ULK4: variants seen among roughly 807,000 people sequenced by gnomAD.
The protein encoded by ULK4 is unc-51 like kinase 4.
A neutral mutation model predicts 160.6 loss-of-function variants in ULK4; 133 were observed. That is an observed-to-expected ratio of 0.83 (90% CI 0.72 to 0.96). The LOEUF is 0.96. Among genes scored for constraint, ULK4 ranks in the 40% least tolerant of loss-of-function variants. The pLI, the probability that ULK4 is intolerant of heterozygous loss-of-function variation, is 0.00. For synonymous variants in ULK4, 534 were observed against 539.8 expected (o/e 0.99, Z 0.15); for missense variants, 1,580 against 1,499.5 (o/e 1.05, Z -0.89).
chr3:41,348,405 G>A (rs2080846822), intron 35 of ULK4, among the ~76,000 whole-genome samples: 1 of 152,070 alleles, frequency 6.6e-6, no homozygotes, highest in African/African-American at 2.4e-5. Flanking sequence ...TGCCCACCAA[G>A]TGCAGGGTTT....
In ULK4 at chr3:41,850,731, G is replaced by A. The variant is rs138497751; in HGVS notation, c.1657-14760C>T. On this transcript the variant is annotated intron_variant, in intron 17 of 36. Transcript: ENST00000301831. The stretch of plus-strand genomic sequence containing the variant: ...TAGTCCTTTGTCAGATGAGTAGGTT[G>A]CAAAAATTTTCTCCCATTCTGTAGG... Among the ~76,000 whole-genome samples, 995 of 152,250 alleles carry A rather than the reference G, an allele frequency of 6.5e-3. 10 individuals are homozygous for A. Among genetic ancestry groups the A allele is most frequent in the African/African-American group, 0.023 (955 of 41,556 alleles).
At chr3:41,882,329 T>C (rs1206989842) in intron 17 of ULK4, 3 of 701,220 alleles carry the variant, frequency 4.3e-6, no homozygotes, top group African/African-American at 3.5e-5. Context: ...TGGTGATACA[T>C]GCTGTGAAAA....
At chr3:41,891,666 G>C (rs1697972385) in intron 16 of ULK4, among the ~76,000 whole-genome samples, 1 of 152,134 alleles carries the variant, frequency 6.6e-6, no homozygotes, top group African/African-American at 2.4e-5. Context: ...CAGCACTTTG[G>C]GAGGCCAGAG....
chr3:41,807,772 C>A (rs1164255453), intron 19 of ULK4, among the ~76,000 whole-genome samples: 1 of 152,152 alleles, frequency 6.6e-6, no homozygotes, highest in African/African-American at 2.4e-5. Context: ...TTTCATTTCT[C>A]AGAATGGCTA....
At chr3:41,309,097 G>A (rs539563312) in intron 35 of ULK4, among the ~76,000 whole-genome samples, 2 of 152,180 alleles carry the variant, frequency 1.3e-5, no homozygotes, top group African/African-American at 4.8e-5. Context: ...TTGAAAGCTT[G>A]TAACTGTAAA....
At chr3:41,727,078 T>C (rs2037677832) in intron 22 of ULK4, among the ~76,000 whole-genome samples, 1 of 152,142 alleles carries the variant, frequency 6.6e-6, no homozygotes, top group Non-Finnish European at 1.5e-5. Flanking sequence ...ATTTTCTTAC[T>C]CTCATCACCA....
chr3:41,908,348 A>G (rs112965481), intron 11 of ULK4, among the ~76,000 whole-genome samples: 6,499 of 152,280 alleles, frequency 0.043, 428 homozygotes, highest in African/African-American at 0.15. Flanking sequence ...GGGAGTTACA[A>G]TCCATACCTA....
intron 35 of ULK4, among the ~76,000 whole-genome samples, chr3:41,296,590 A>G (rs2079673135): frequency 6.6e-6 from 1 of 152,180 alleles, no homozygotes; most frequent in Non-Finnish European, 1.5e-5. Context: ...TTCCTGAGAC[A>G]TCAGAGGCCT....
At chr3:41,586,209 G>A (rs1432994913) in intron 31 of ULK4, among the ~76,000 whole-genome samples, 2 of 152,160 alleles carry the variant, frequency 1.3e-5, no homozygotes, top group African/African-American at 4.8e-5. Flanking sequence ...CATGTTCACT[G>A]CTGCATTACT....
chr3:41,808,260 G>C (rs886124773), intron 19 of ULK4, among the ~76,000 whole-genome samples: 1 of 152,148 alleles, frequency 6.6e-6, no homozygotes, highest in South Asian at 2.1e-4. Context: ...GGGGGGAAAT[G>C]AGCTATTTAT....
chr3:41,547,147 CAG>C (rs1028075735), intron 32 of ULK4, among the ~76,000 whole-genome samples: 49 of 152,080 alleles, frequency 3.2e-4, no homozygotes, highest in Admixed American at 6.5e-4. Context: ...AAATTGAACA[CAG>C]AGTAGGTTCA....
At chr3:41,367,061 A>C (rs2081267584) in intron 35 of ULK4, among the ~76,000 whole-genome samples, 1 of 152,204 alleles carries the variant, frequency 6.6e-6, no homozygotes, top group African/African-American at 2.4e-5. Flanking sequence ...CAGGGTACTA[A>C]TTAGATATTT....
At chr3:41,669,740 T>C (rs546900068) in intron 29 of ULK4, among the ~76,000 whole-genome samples, 2 of 151,426 alleles carry the variant, frequency 1.3e-5, no homozygotes, top group Non-Finnish European at 2.9e-5. Flanking sequence ...TTAGTACATC[T>C]ATATATGTAG....
rs529298714 is a variant in ULK4 at position 41,436,585 on chromosome 3, A to T, written c.3492+18912T>A. Among the ~76,000 whole-genome samples, 118 of 152,276 alleles carry T rather than the reference A, an allele frequency of 7.7e-4. No homozygotes were observed. In the Middle Eastern group the frequency reaches 0.01, roughly 13 times the overall value. ...TCATTTTAACTCCCTACATCTCTCA[A>T]ATGAACAGGATGAAAAAGGAGCCTT... On this transcript the variant is annotated intron_variant, in intron 34 of 36. Transcript: ENST00000301831.
At chr3:41,416,110 T>C (rs143074733) in intron 34 of ULK4, among the ~76,000 whole-genome samples, 6 of 152,186 alleles carry the variant, frequency 3.9e-5, no homozygotes, top group African/African-American at 1.4e-4. Context: ...GCAGTAACAA[T>C]AGGAACACTG....
intron 4 of ULK4, among the ~76,000 whole-genome samples, 163 bp downstream of exon 4, chr3:41,935,638 G>A (rs989015833): frequency 1.3e-5 from 2 of 152,148 alleles, no homozygotes; most frequent in African/African-American, 4.8e-5. Context: ...TAGGATTACA[G>A]GCATGAGCCA....
chr3:41,571,312 G>T (rs1432035655), intron 31 of ULK4, among the ~76,000 whole-genome samples: 1 of 152,200 alleles, frequency 6.6e-6, no homozygotes, highest in African/African-American at 2.4e-5. Context: ...CTCTGGCCTA[G>T]AGCATCATTT....
At chr3:41,707,256 C>T (rs1401507643) in intron 25 of ULK4, among the ~76,000 whole-genome samples, 1 of 151,998 alleles carries the variant, frequency 6.6e-6, no homozygotes, top group African/African-American at 2.4e-5. Context: ...CCTGAAATTG[C>T]AAAACAACTA....
chr3:41,583,059 C>T (rs2030499043), intron 31 of ULK4, among the ~76,000 whole-genome samples: 1 of 152,132 alleles, frequency 6.6e-6, no homozygotes, highest in Non-Finnish European at 1.5e-5. Flanking sequence ...ATGTGAGACA[C>T]TGATATCAAA....
Sources: gnomAD v4.1 joint callset for allele counts (sites outside exome capture counted in the v4.1 genomes callset) on GRCh38, gnomAD v4.1.1 for gene constraint, MANE v1.5 for transcripts, NCBI Gene and HGNC (gene_info 2026-07-23, HGNC 2026-07-21) for gene names.